The following MB21D2 variants were observed in gnomAD, a reference collection of about 807,000 sequenced individuals.
The protein encoded by MB21D2 is Mab-21 domain containing 2, also known as nucleotidyltransferase MB21D2.
Under a neutral mutation model 33.3 loss-of-function variants are expected in MB21D2, and 9 were observed. That is an observed-to-expected ratio of 0.27 (90% confidence interval 0.16 to 0.47). The LOEUF (loss-of-function observed/expected upper bound fraction) is 0.47. MB21D2 is among the 20% of genes least tolerant of loss of function. The pLI is 0.99. For missense variants in MB21D2, 540 were observed against 624.6 expected, an observed-to-expected ratio of 0.86 and a Z score of 1.44; for synonymous variants, 241 against 236.3, an observed-to-expected ratio of 1.02 and a Z score of -0.18.
chr3:192,908,436 T>C (rs1027457646), intron 1 of MB21D2, among the ~76,000 whole-genome samples: 20 of 150,736 alleles, frequency 1.3e-4, no homozygotes, highest in Non-Finnish European at 2.5e-4. Flanking sequence ...TCTCCCTCTG[T>C]CGCCCAGGCT....
chr3:192,819,506 G>A (rs1480209859), intron 1 of MB21D2, among the ~76,000 whole-genome samples: 1 of 152,138 alleles, frequency 6.6e-6, no homozygotes, highest in African/African-American at 2.4e-5. Context: ...CCCCCGCTTC[G>A]ACCACTTGGA....
intron 1 of MB21D2, among the ~76,000 whole-genome samples, chr3:192,836,534 T>C (rs1260580322): frequency 6.6e-6 from 1 of 152,150 alleles, no homozygotes; most frequent in Admixed American, 6.5e-5. Context: ...AGAAGAGATA[T>C]CTGGATGCAC....
In MB21D2 at chr3:192,798,794, G is replaced by A. The variant is rs1720581470; in HGVS notation, c.1068C>T (p.His356=). The part of the protein sequence containing the change: ...NYLAQEDYAA[H]FLLGLIDDLQ... ...GGTCATCGATGAGGCCCAGCAAAAA[G>A]TGGGCTGCATAGTCTTCTTGAGCCA... Residue 356 remains histidine, a synonymous_variant, in exon 2 of 2, where the codon CAC becomes CAT. Transcript: ENST00000392452. This position sits in a 1 kb window ranked among gnomAD's most constrained non-coding sequence, Gnocchi z 4.8. 3.7e-6 allele frequency: 6 copies of A among 1,612,806 alleles called. No individual in the cohort carries two copies. The highest frequency in any genetic ancestry group is 5.1e-6 in the Non-Finnish European group (6 of 1,179,876).
At chr3:192,825,613 T>C (rs1712158197) in intron 1 of MB21D2, among the ~76,000 whole-genome samples, 1 of 152,250 alleles carries the variant, frequency 6.6e-6, no homozygotes, top group African/African-American at 2.4e-5. Flanking sequence ...CTAATTGCAT[T>C]TGGCCCTTAT....
chr3:192,844,745 C>T (rs962880643), intron 1 of MB21D2, among the ~76,000 whole-genome samples: 1 of 152,216 alleles, frequency 6.6e-6, no homozygotes, highest in Non-Finnish European at 1.5e-5. Context: ...AACCTGACCC[C>T]TTCTTCACAT....
intron 1 of MB21D2, among the ~76,000 whole-genome samples, chr3:192,829,877 C>A (rs184421308): frequency 6.6e-5 from 10 of 152,158 alleles, no homozygotes; most frequent in Admixed American, 2.0e-4. Flanking sequence ...CAGGCATGCA[C>A]CACCATGCCC....
intron 1 of MB21D2, among the ~76,000 whole-genome samples, chr3:192,841,429 A>G (rs1169176813): frequency 6.6e-6 from 1 of 152,228 alleles, no homozygotes; most frequent in Admixed American, 6.5e-5. Context: ...TGCAGCTTCA[A>G]TCTTAGTCTT....
At chr3:192,881,643 A>G (rs1713568483) in intron 1 of MB21D2, among the ~76,000 whole-genome samples, 3 of 152,252 alleles carry the variant, frequency 2.0e-5, no homozygotes, top group Middle Eastern at 3.4e-3. Context: ...GCAGAAGCTT[A>G]TGTCACAAAC....
intron 1 of MB21D2, among the ~76,000 whole-genome samples, chr3:192,822,164 T>C (rs1187383969): frequency 8.8e-6 from 1 of 113,638 alleles, no homozygotes; most frequent in Non-Finnish European, 1.7e-5. Flanking sequence ...CAAACAAGCA[T>C]AACAGTCCAA....
At chr3:192,814,051 T>C (rs902080624) in intron 1 of MB21D2, among the ~76,000 whole-genome samples, 10 of 152,250 alleles carry the variant, frequency 6.6e-5, no homozygotes, top group African/African-American at 1.2e-4. Flanking sequence ...GTTTTTGCCT[T>C]CGTTTAAATA....
At chr3:192,849,134 C>T (rs1428550698) in intron 1 of MB21D2, among the ~76,000 whole-genome samples, 2 of 152,160 alleles carry the variant, frequency 1.3e-5, no homozygotes, top group Non-Finnish European at 2.9e-5. Flanking sequence ...GGACAAACCA[C>T]GATCCTCTGG....
intron 1 of MB21D2, among the ~76,000 whole-genome samples, chr3:192,815,244 C>T (rs1711895568): frequency 6.6e-6 from 1 of 152,128 alleles, no homozygotes; most frequent in Admixed American, 6.5e-5. Context: ...ATTCCAACTG[C>T]CATGGTATGT....
intron 1 of MB21D2, among the ~76,000 whole-genome samples, chr3:192,814,852 G>A (rs778586787): frequency 6.6e-5 from 9 of 136,552 alleles, no homozygotes; most frequent in Admixed American, 1.4e-4. Context: ...GCGACAGAGC[G>A]AGACTCCATC....
intron 1 of MB21D2, among the ~76,000 whole-genome samples, chr3:192,847,610 C>T (rs552971857): frequency 1.3e-5 from 2 of 152,300 alleles, no homozygotes; most frequent in South Asian, 2.1e-4. Flanking sequence ...CACCATAATG[C>T]TCCAAAATCA....
intron 1 of MB21D2, among the ~76,000 whole-genome samples, chr3:192,809,920 A>G (rs1711750284): frequency 6.6e-6 from 1 of 152,080 alleles, no homozygotes; most frequent in Non-Finnish European, 1.5e-5. Flanking sequence ...CCCAGAACAA[A>G]CTCTGAAAAT....
In MB21D2 at chr3:192,798,016, G is replaced by C. The variant is rs1184134716; in HGVS notation, c.*370C>G. On this transcript the variant is annotated 3_prime_UTR_variant, in exon 2 of 2. Coordinates refer to ENST00000392452, the MANE Select transcript of MB21D2 (RefSeq NM_178496.4). The surrounding 1 kb of genome is among the most constrained non-coding windows in gnomAD (Gnocchi z 4.8). ...AAAAATAATAGGATAGAATCGTTAA[G>C]CATCAGAAAGAGATTTGTTTCCCCA... The C allele has an allele frequency of 5.7e-6, 1 of 174,292 alleles. No homozygotes were observed. Among genetic ancestry groups the C allele is most frequent in the East Asian group, 1.5e-4 (1 of 6,452 alleles). 10.8% of individuals were successfully genotyped at this position (174,292 alleles called of 1,614,324 possible).
At chr3:192,860,419 A>T (rs896137107) in intron 1 of MB21D2, among the ~76,000 whole-genome samples, 26 of 152,154 alleles carry the variant, frequency 1.7e-4, no homozygotes, top group Non-Finnish European at 3.5e-4. Flanking sequence ...TGTTGCAAAG[A>T]CTGATCTGGG....
At chr3:192,814,303 T>TG (rs1711859587) in intron 1 of MB21D2, among the ~76,000 whole-genome samples, 1 of 150,614 alleles carries the variant, frequency 6.6e-6, no homozygotes, top group African/African-American at 2.5e-5. Flanking sequence ...ACAACAGACA[T>TG]GAAAAAAAAA....
intron 1 of MB21D2, among the ~76,000 whole-genome samples, chr3:192,873,919 C>T (rs1054447106): frequency 6.6e-6 from 1 of 152,162 alleles, no homozygotes; most frequent in Middle Eastern, 3.2e-3. Flanking sequence ...AGGCGAGTCT[C>T]GAACTCCTGA....
Sources: gnomAD v4.1 joint callset for allele counts (sites outside exome capture counted in the v4.1 genomes callset) on GRCh38, gnomAD v4.1.1 for gene constraint, Gnocchi (gnomAD v3.1) non-coding constraint, MANE v1.5 for transcripts, NCBI Gene and HGNC (gene_info 2026-07-23, HGNC 2026-07-21) for gene names.